PLEKHA6: variants seen among roughly 807,000 people sequenced by gnomAD.
The protein encoded by PLEKHA6 is pleckstrin homology domain-containing family A member 6.
In PLEKHA6, 60 loss-of-function variants were observed where a neutral mutation model predicts 116.7. The observed-to-expected ratio is 0.51, with a 90% CI of 0.42 to 0.64. PLEKHA6 has a LOEUF of 0.64. Ranked by LOEUF, PLEKHA6 falls within the 30% of genes least tolerant of loss-of-function variation. The probability of loss-of-function intolerance (pLI) is 0.00; values close to 1 mark genes in which losing one functional copy is unlikely to be tolerated. For missense variants in PLEKHA6, 1,338 were observed against 1,422.7 expected, an observed-to-expected ratio of 0.94 and a Z score of 0.96; for synonymous variants, 489 against 556.1, an observed-to-expected ratio of 0.88 and a Z score of 1.70.
chr1:204,374,381 C>T (rs151137047), intron 1 of PLEKHA6, among the ~76,000 whole-genome samples: 147 of 152,336 alleles, frequency 9.6e-4, no homozygotes, highest in African/African-American at 3.2e-3. Flanking sequence ...GGTCCCAGGG[C>T]TGCCTCTGCT....
chr1:204,276,641 C>G (rs1405229102), intron 1 of PLEKHA6, among the ~76,000 whole-genome samples: 1 of 102,578 alleles, frequency 9.7e-6, no homozygotes, highest in Non-Finnish European at 1.9e-5. Flanking sequence ...GGCACAGACA[C>G]ACACACACAC....
At position 204,257,675 on chromosome 1, in the gene PLEKHA6, C is replaced by A. The variant is rs145170381; in HGVS notation, c.1202G>T (p.Gly401Val). ...DKRHAFRNGG[G>V]PAYQLREWKE... Reference sequence around the variant, plus strand: ...CCACTCTCGCAGCTGGTAGGCAGGGCCACCCCCATTGCGGAAGGCATGGCG... The same window carrying A: ...CCACTCTCGCAGCTGGTAGGCAGGGACACCCCCATTGCGGAAGGCATGGCG... Residue 401 changes from glycine (G) to valine (V), a missense_variant, in exon 9 of 23, where the codon GGC becomes GTC. Around this residue, in one of 3 missense-constraint regions of PLEKHA6, gnomAD observed 1,136 missense variants for 1,163.6 expected, o/e 0.98. Transcript: ENST00000272203. The surrounding 1 kb of genome is among the most constrained non-coding windows in gnomAD (Gnocchi z 6.5). 132 of 1,610,136 alleles carry A rather than the reference C, an allele frequency of 8.2e-5. No homozygotes were observed. The highest frequency in any genetic ancestry group is 6.2e-4 in the Admixed American group (37 of 59,528).
At chr1:204,323,485 TAG>T (rs952942982) in intron 1 of PLEKHA6, among the ~76,000 whole-genome samples, 7 of 152,198 alleles carry the variant, frequency 4.6e-5, no homozygotes, top group Admixed American at 2.6e-4. Flanking sequence ...ACATGCAGAC[TAG>T]GATCACTGAG....
At chr1:204,251,996 C>T (rs1003519620) in intron 9 of PLEKHA6, among the ~76,000 whole-genome samples, 1 of 152,032 alleles carries the variant, frequency 6.6e-6, no homozygotes, top group Non-Finnish European at 1.5e-5. Flanking sequence ...GACTGATCTC[C>T]CCAAAGTTGA....
rs778670814 is a variant in PLEKHA6 at position 204,248,983 on chromosome 1, A to C, written c.1675-13T>G. 6 of 1,613,392 alleles carry C rather than the reference A, an allele frequency of 3.7e-6. No individual in the cohort carries two copies. In the South Asian group the frequency reaches 6.6e-5, roughly 18 times the overall value. On this transcript the variant is annotated splice_polypyrimidine_tract_variant and intron_variant, in intron 11 of 22. Coordinates refer to ENST00000272203, the MANE Select transcript of PLEKHA6 (RefSeq NM_014935.5). ...TTTCCAGGCTCTCCTGAAGAAAGGC[A>C]GGGGAATGACATGAGCAGCCCTGAC...
At chr1:204,363,579 G>C (rs1003200262), upstream of PLEKHA6, among the ~76,000 whole-genome samples, 2 of 152,218 alleles carry the variant, frequency 1.3e-5, no homozygotes, top group African/African-American at 4.8e-5. Context: ...GAACTGGCCA[G>C]TTTCACCGGC....
chr1:204,272,327 G>A (rs955613952), intron 3 of PLEKHA6, among the ~76,000 whole-genome samples: 3 of 151,972 alleles, frequency 2.0e-5, no homozygotes, highest in Admixed American at 6.6e-5. Flanking sequence ...CCATAGAAAC[G>A]TGACTTACTG....
At chr1:204,289,778 T>C (rs1474311625) in intron 1 of PLEKHA6, among the ~76,000 whole-genome samples, 2 of 152,234 alleles carry the variant, frequency 1.3e-5, no homozygotes, top group African/African-American at 4.8e-5. Context: ...ATGTTTATCA[T>C]GTCATGCAAA....
chr1:204,230,673 C>T (rs572231511), intron 17 of PLEKHA6, 87 bp from the exon 18 acceptor site: 321 of 1,192,180 alleles, frequency 2.7e-4, no homozygotes, highest in Non-Finnish European at 3.4e-4. Flanking sequence ...TTACCTTCTA[C>T]GGGAAGTCTG....
At chr1:204,268,464 T>TGC in intron 3 of PLEKHA6, 152 bp from the exon 4 acceptor site, 2 of 420,426 alleles carry the variant, frequency 4.8e-6, no homozygotes, top group Admixed American at 8.3e-5. Context: ...CTTGGATCTA[T>TGC]TACTAATTCA....
intron 3 of PLEKHA6, among the ~76,000 whole-genome samples, chr1:204,270,682 G>A (rs200061601): frequency 5.3e-5 from 8 of 152,210 alleles, no homozygotes; most frequent in East Asian, 3.9e-4. Flanking sequence ...CCTGCTGTCC[G>A]CCCTCTACAA....
chr1:204,313,430 G>T, intron 1 of PLEKHA6: 1 of 274,074 alleles, frequency 3.6e-6, no homozygotes, highest in Non-Finnish European at 5.6e-6. Flanking sequence ...ACATTCCTGG[G>T]CTCATCTGGC....
intron 13 of PLEKHA6, 128 bp downstream of exon 13, chr1:204,247,237 G>A (rs1249807506): frequency 1.1e-4 from 66 of 603,466 alleles, no homozygotes; most frequent in Non-Finnish European, 1.4e-4. Context: ...AACCTAAAGC[G>A]TCCCATTATC....
At chr1:204,358,163 GAA>G (rs1673467162) in intron 1 of PLEKHA6, among the ~76,000 whole-genome samples, 1 of 152,212 alleles carries the variant, frequency 6.6e-6, no homozygotes, top group Admixed American at 6.5e-5. Flanking sequence ...CCGCTGATTG[GAA>G]AACCAATGAC....
chr1:204,261,226 C>T lies in PLEKHA6; in HGVS notation c.524+80G>A. ...CTTCAAGTAGGCACACTGGGATTAGCAATGGCCCAGAGCTGGGTGTGTCTT... is the reference window on the plus strand; with the variant it reads ...CTTCAAGTAGGCACACTGGGATTAGTAATGGCCCAGAGCTGGGTGTGTCTT... On this transcript the variant is annotated intron_variant, in intron 7 of 22. Coordinates refer to ENST00000272203, the MANE Select transcript of PLEKHA6 (RefSeq NM_014935.5). This position sits in a 1 kb window ranked among gnomAD's most constrained non-coding sequence, Gnocchi z 4.0. The T allele has an allele frequency of 6.6e-7, 1 of 1,522,512 alleles. No homozygotes were observed. 94.3% of individuals were successfully genotyped at this position (1,522,512 alleles called of 1,614,324 possible). A position where few individuals can be genotyped will look rare whatever the true frequency, so the allele number is the denominator to read the frequency against.
At chr1:204,280,392 C>T (rs1417119990) in intron 1 of PLEKHA6, 7 of 985,352 alleles carry the variant, frequency 7.1e-6, no homozygotes, top group Non-Finnish European at 7.2e-6. Flanking sequence ...CAGAACCCCA[C>T]TGTGATCAAT....
intron 1 of PLEKHA6, among the ~76,000 whole-genome samples, chr1:204,335,452 G>A (rs1672613033): frequency 6.6e-6 from 1 of 152,118 alleles, no homozygotes; most frequent in Non-Finnish European, 1.5e-5. Flanking sequence ...GGGACAGGGA[G>A]GGAGGCTGCA....
chr1:204,365,152 G>A (rs749660582), intron 3 of PLEKHA6, among the ~76,000 whole-genome samples: 2 of 152,174 alleles, frequency 1.3e-5, no homozygotes, highest in Non-Finnish European at 2.9e-5. Context: ...GGGGAGTGTG[G>A]GAGGTGAGGC....
intron 1 of PLEKHA6, among the ~76,000 whole-genome samples, chr1:204,340,944 A>G (rs1347932449): frequency 6.6e-6 from 1 of 152,198 alleles, no homozygotes; most frequent in Non-Finnish European, 1.5e-5. Context: ...TTGTCCAGAG[A>G]AGATGGGCAG....
Sources: allele counts gnomAD v4.1 joint callset (sites outside exome capture counted in the v4.1 genomes callset), GRCh38; gene constraint gnomAD v4.1.1; regional missense constraint gnomAD v4.1.1; non-coding constraint Gnocchi (gnomAD v3.1); transcripts MANE v1.5; gene names NCBI Gene and HGNC (gene_info 2026-07-23, HGNC 2026-07-21).